FHIT: variants seen among roughly 807,000 people sequenced by gnomAD.
FHIT encodes fragile histidine triad diadenosine triphosphatase, also known as bis(5'-adenosyl)-triphosphatase.
FHIT carries 19 observed loss-of-function variants against 17.9 expected under a neutral mutation model. That is an observed-to-expected ratio of 1.06 (90% CI 0.74 to 1.56). The LOEUF (loss-of-function observed/expected upper bound fraction) is 1.56. Among genes scored for constraint, FHIT ranks in the 40% most tolerant of loss-of-function variants. The probability of loss-of-function intolerance (pLI) is 0.00; values close to 1 mark genes in which losing one functional copy is unlikely to be tolerated. For missense variants in FHIT, 248 were observed against 189.2 expected, an observed-to-expected ratio of 1.31 and a Z score of -1.82; for synonymous variants, 81 against 69.7, an observed-to-expected ratio of 1.16 and a Z score of -0.81.
At chr3:60,560,335 T>A (rs1453282846) in intron 4 of FHIT, among the ~76,000 whole-genome samples, 4 of 152,068 alleles carry the variant, frequency 2.6e-5, no homozygotes, top group Non-Finnish European at 4.4e-5. Flanking sequence ...GTCTTACATA[T>A]TAGATAATGA....
intron 5 of FHIT, among the ~76,000 whole-genome samples, chr3:60,341,726 A>G (rs1207975193): frequency 6.6e-6 from 1 of 152,068 alleles, no homozygotes; most frequent in African/African-American, 2.4e-5. Context: ...TTGACTTCCA[A>G]CTTAACAGAT....
intron 7 of FHIT, among the ~76,000 whole-genome samples, chr3:60,008,939 G>C (rs905599262): frequency 5.3e-5 from 8 of 152,108 alleles, no homozygotes; most frequent in African/African-American, 1.9e-4. Context: ...CACGGGATGT[G>C]CTTGTTAATA....
intron 1 of FHIT, among the ~76,000 whole-genome samples, chr3:61,204,479 G>T (rs972118844): frequency 3.3e-5 from 5 of 152,092 alleles, no homozygotes; most frequent in Non-Finnish European, 7.4e-5. Flanking sequence ...AAACAACATA[G>T]AGTAAACGCA....
At chr3:60,461,521 T>C (rs770048961) in intron 5 of FHIT, among the ~76,000 whole-genome samples, 1 of 152,166 alleles carries the variant, frequency 6.6e-6, no homozygotes, top group Non-Finnish European at 1.5e-5. Context: ...AGCTATAGAG[T>C]AGCCTTCAAA....
intron 3 of FHIT, chr3:60,912,650 A>G (rs1278411463): frequency 7.5e-6 from 3 of 400,980 alleles, no homozygotes; most frequent in African/African-American, 6.3e-5. Flanking sequence ...GTTAATCATC[A>G]GAGATAACTC....
rs373678277 is a variant in FHIT, at chr3:61,072,053, G to C, written c.-163-29954C>G. On this transcript the variant is annotated intron_variant, in intron 2 of 9. Coordinates refer to ENST00000492590, the MANE Select transcript of FHIT (RefSeq NM_002012.4). ...GTCTCTTCCAAGATCCAGGACTTTAGAGCCAGAAACATTTGGATTCAAATC... is the reference window on the plus strand; with the variant it reads ...GTCTCTTCCAAGATCCAGGACTTTACAGCCAGAAACATTTGGATTCAAATC... Among the ~76,000 whole-genome samples, 14 of 152,220 alleles carry C rather than the reference G, an allele frequency of 9.2e-5. No individual in the cohort carries two copies. In the East Asian group the frequency reaches 2.5e-3, roughly 27 times the overall value.
chr3:60,536,788 T>G, intron 5 of FHIT, 72 bp downstream of exon 5: 1 of 1,489,576 alleles, frequency 6.7e-7, no homozygotes, highest in Non-Finnish European at 9.0e-7. Context: ...CAATCTTGTA[T>G]TTATATTCAT....
chr3:60,257,818 C>A (rs1173241293), intron 5 of FHIT, among the ~76,000 whole-genome samples: 2 of 152,140 alleles, frequency 1.3e-5, no homozygotes, highest in African/African-American at 2.4e-5. Context: ...ACCAAATGTT[C>A]TCACCTGTAA....
intron 5 of FHIT, among the ~76,000 whole-genome samples, chr3:60,372,922 G>T (rs537259510): frequency 1.2e-4 from 19 of 152,274 alleles, no homozygotes; most frequent in African/African-American, 3.9e-4. Context: ...AGTTAATAGA[G>T]ATGAATTTAA....
At chr3:59,768,366 C>T (rs566435940) in intron 8 of FHIT, among the ~76,000 whole-genome samples, 152 of 152,306 alleles carry the variant, frequency 1.0e-3, no homozygotes, top group African/African-American at 3.5e-3. Flanking sequence ...CTGTTTCCAT[C>T]TCATGTGAGT....
At chr3:59,923,874 T>C (rs568368640) in intron 7 of FHIT, among the ~76,000 whole-genome samples, 6 of 152,084 alleles carry the variant, frequency 3.9e-5, no homozygotes, top group Non-Finnish European at 8.8e-5. Flanking sequence ...CCAAGGTGAA[T>C]GAAGCAGAGA....
intron 3 of FHIT, among the ~76,000 whole-genome samples, chr3:60,988,418 A>G (rs928000938): frequency 3.3e-5 from 5 of 152,304 alleles, no homozygotes; most frequent in African/African-American, 1.2e-4. Flanking sequence ...AGTGGACAGG[A>G]TGGATATTTA....
At chr3:60,094,458 A>T (rs893046710) in intron 5 of FHIT, among the ~76,000 whole-genome samples, 13 of 152,154 alleles carry the variant, frequency 8.5e-5, no homozygotes, top group Admixed American at 2.6e-4. Context: ...ATGCCCACAT[A>T]GGCAATACAT....
chr3:60,279,240 T>C (rs1426995393), intron 5 of FHIT, among the ~76,000 whole-genome samples: 1 of 152,062 alleles, frequency 6.6e-6, no homozygotes, highest in Non-Finnish European at 1.5e-5. Flanking sequence ...AAAAAGATGA[T>C]AAAGAAATAT....
chr3:60,267,070 G>A (rs1706612845), intron 5 of FHIT, among the ~76,000 whole-genome samples: 1 of 152,032 alleles, frequency 6.6e-6, no homozygotes, highest in African/African-American at 2.4e-5. Flanking sequence ...GACAGAAGAA[G>A]AGCGTGTGCA....
intron 5 of FHIT, among the ~76,000 whole-genome samples, chr3:60,048,455 C>T (rs895297000): frequency 1.3e-5 from 2 of 152,190 alleles, no homozygotes; most frequent in African/African-American, 4.8e-5. Flanking sequence ...GGATTACAGG[C>T]GTGAGTCTCT....
chr3:60,043,243 G>A (rs1701516366), intron 5 of FHIT, among the ~76,000 whole-genome samples: 1 of 152,196 alleles, frequency 6.6e-6, no homozygotes, highest in Non-Finnish European at 1.5e-5. Context: ...TGGCCAGTCT[G>A]CTTTTGCCAA....
chr3:60,391,189 A>C (rs1470312689), intron 5 of FHIT, among the ~76,000 whole-genome samples: 1 of 92,792 alleles, frequency 1.1e-5, no homozygotes, highest in East Asian at 3.5e-4. Flanking sequence ...CCGTCTGACA[A>C]AACAAAACAA....
intron 5 of FHIT, among the ~76,000 whole-genome samples, chr3:60,224,258 C>T (rs1221597642): frequency 6.6e-6 from 1 of 152,082 alleles, no homozygotes; most frequent in Non-Finnish European, 1.5e-5. Context: ...TTCCAGAGTC[C>T]GTACTCTAAA....
Sources: gnomAD v4.1 joint callset for allele counts (sites outside exome capture counted in the v4.1 genomes callset) on GRCh38, gnomAD v4.1.1 for gene constraint, MANE v1.5 for transcripts, NCBI Gene and HGNC (gene_info 2026-07-23, HGNC 2026-07-21) for gene names.